ABTB2: variants seen among roughly 807,000 people sequenced by gnomAD.
ABTB2 encodes the protein ankyrin repeat and BTB domain containing 2, also known as ankyrin repeat and BTB/POZ domain-containing protein 2.
In ABTB2, 56 loss-of-function variants were observed where a neutral mutation model predicts 104.1. The ratio of observed to expected loss-of-function variants is 0.54; its 90% CI spans 0.43 to 0.67. The LOEUF is 0.67. Among genes scored for constraint, ABTB2 ranks in the 30% least tolerant of loss-of-function variants. ABTB2 has a pLI of 0.00. For missense variants in ABTB2, 1,279 were observed against 1,407.7 expected (o/e 0.91, Z 1.46); for synonymous variants, 606 against 608.2 (o/e 1.00, Z 0.05).
intron 1 of ABTB2, among the ~76,000 whole-genome samples, chr11:34,229,443 T>A (rs537769827): frequency 3.9e-4 from 57 of 147,802 alleles, no homozygotes; most frequent in Non-Finnish European, 7.1e-4. Flanking sequence ...ATCGCACCAC[T>A]GCACTCCAGC....
At chr11:34,189,980 C>T (rs1163326345) in intron 3 of ABTB2, among the ~76,000 whole-genome samples, 1 of 152,218 alleles carries the variant, frequency 6.6e-6, no homozygotes, top group Admixed American at 6.5e-5. Context: ...TGGCTCATGC[C>T]TGTAATCTCA....
chr11:34,341,163 A>G (rs940622656), intron 1 of ABTB2, among the ~76,000 whole-genome samples: 7 of 152,156 alleles, frequency 4.6e-5, no homozygotes, highest in Middle Eastern at 3.2e-3. Context: ...ACATTTTGTT[A>G]TTTTGTTTAA....
intron 16 of ABTB2, among the ~76,000 whole-genome samples, chr11:34,153,038 C>T (rs934681062): frequency 2.0e-5 from 3 of 152,160 alleles, no homozygotes; most frequent in African/African-American, 7.2e-5. Flanking sequence ...GAGAGACAGA[C>T]AGAATCTGAG....
chr11:34,170,388 C>G (rs1427043284), intron 5 of ABTB2, among the ~76,000 whole-genome samples: 1 of 152,204 alleles, frequency 6.6e-6, no homozygotes, highest in African/African-American at 2.4e-5. Context: ...CAAGTTAAAG[C>G]CTATCTAAAA....
Position 34,357,515 on chromosome 11 carries a change from G to A in ABTB2, c.69C>T (p.Ala23=), listed in dbSNP as rs1397415068. The change falls in exon 1 of 17, where the codon GCC becomes GCT. Residue 23 remains alanine, a synonymous_variant. Coordinates refer to ENST00000435224, the MANE Select transcript of ABTB2 (RefSeq NM_145804.3). Reference sequence around the variant, plus strand: ...GGCTGAGCGAGCGGCACGAGTCCCCGGCCCCATACCCGGAGTCCAAGGTCA... The same window carrying A: ...GGCTGAGCGAGCGGCACGAGTCCCCAGCCCCATACCCGGAGTCCAAGGTCA... The part of the protein sequence containing the change: ...EDLTLDSGYG[A]GDSCRSLSLS... 2 of 1,540,116 alleles carry A rather than the reference G, an allele frequency of 1.3e-6. No individual in the cohort carries two copies. The highest frequency in any genetic ancestry group is 2.0e-5 in the Admixed American group (1 of 50,988).
rs751166959 is a variant in ABTB2 at position 34,170,991 on chromosome 11, C to T, written c.1478G>A (p.Arg493His). The change falls in exon 5 of 17, where the codon CGC becomes CAC. Residue 493 changes from arginine to histidine, a missense_variant. Physicochemically the swap from Arg to His is conservative, Grantham distance 29 (BLOSUM62 0). Transcript: ENST00000435224. ...GTCCGTCCTCCCACAGTTGAGCATG[C>T]GGAAACCCAGGTCCTGGTTGAATTT... ...TEKFNQDLGF[R>H]MLNCGRTDLI... The T allele has an allele frequency of 5.0e-5, 81 of 1,614,038 alleles. 1 individual carries two copies. The highest frequency in any genetic ancestry group is 4.1e-4 in the South Asian group (37 of 91,090).
chr11:34,268,819 C>T (rs1238218667), intron 1 of ABTB2, among the ~76,000 whole-genome samples: 1 of 152,208 alleles, frequency 6.6e-6, no homozygotes, highest in African/African-American at 2.4e-5. Context: ...TCCCATGCAT[C>T]CTCCACGTGT....
At chr11:34,289,399 A>G (rs1403342000) in intron 1 of ABTB2, among the ~76,000 whole-genome samples, 1 of 152,214 alleles carries the variant, frequency 6.6e-6, no homozygotes, top group Non-Finnish European at 1.5e-5. Flanking sequence ...CTTACTATGC[A>G]CTGGGCACTG....
In ABTB2 at chr11:34,152,160, G is replaced by A. The variant is rs988172023; in HGVS notation, c.*227C>T. ...TTGAGTTGCAAACTGAGATGGGGAG[G>A]AGGGCCACCAGTTAGCTACATCTCC... On this transcript the variant is annotated 3_prime_UTR_variant, in exon 17 of 17. Transcript: ENST00000435224. 19 of 561,424 alleles carry A rather than the reference G, an allele frequency of 3.4e-5. No homozygotes were observed. Among genetic ancestry groups the A allele is most frequent in the African/African-American group, 3.2e-4 (17 of 52,900 alleles). The allele number at this position is 561,424 out of a possible 1,614,324, so 34.8% of individuals were successfully genotyped here.
rs745594170 is a variant in ABTB2, at chr11:34,168,371, G to A, written c.1564-379C>T. ...TTATCTCCCTCAAAGGGTTGTTGTA[G>A]AGTGTGGATTAATATGTATAAAGTG... On this transcript the variant is annotated intron_variant, in intron 5 of 16. Coordinates refer to ENST00000435224, the MANE Select transcript of ABTB2 (RefSeq NM_145804.3). Among the ~76,000 whole-genome samples, 66 of 152,226 alleles carry A rather than the reference G, an allele frequency of 4.3e-4. 1 individual carries two copies. Among genetic ancestry groups the A allele is most frequent in the Non-Finnish European group, 8.8e-4 (60 of 68,044 alleles).
At chr11:34,274,692 A>G (rs1157010407) in intron 1 of ABTB2, among the ~76,000 whole-genome samples, 1 of 152,000 alleles carries the variant, frequency 6.6e-6, no homozygotes, top group Non-Finnish European at 1.5e-5. Context: ...CCAAGAAGAT[A>G]TCATTGTGTC....
intron 1 of ABTB2, among the ~76,000 whole-genome samples, chr11:34,322,407 G>A (rs770213211): frequency 5.3e-5 from 8 of 151,900 alleles, no homozygotes; most frequent in Non-Finnish European, 1.2e-4. Flanking sequence ...GAAACCCCAC[G>A]TCTAATAAAA....
At chr11:34,251,819 G>C (rs1197331680) in intron 1 of ABTB2, among the ~76,000 whole-genome samples, 4 of 151,596 alleles carry the variant, frequency 2.6e-5, no homozygotes, top group African/African-American at 9.7e-5. Flanking sequence ...TATCTACAGA[G>C]ACATGAGGAG....
intron 14 of ABTB2, among the ~76,000 whole-genome samples, chr11:34,158,402 C>T (rs1373372973): frequency 6.6e-6 from 1 of 152,012 alleles, no homozygotes; most frequent in Non-Finnish European, 1.5e-5. Context: ...GACAGTGAGA[C>T]TCCGTGTCAA....
chr11:34,229,003 C>G (rs1853724005), intron 1 of ABTB2, among the ~76,000 whole-genome samples: 3 of 151,604 alleles, frequency 2.0e-5, no homozygotes, highest in Non-Finnish European at 4.4e-5. Context: ...CCTGTAATCC[C>G]AGCTACTCGG....
chr11:34,268,520 C>T (rs941434352), intron 1 of ABTB2, among the ~76,000 whole-genome samples: 2 of 152,188 alleles, frequency 1.3e-5, no homozygotes, highest in South Asian at 2.1e-4. Context: ...TGGAACTTGC[C>T]GTGCCTTTAC....
At chr11:34,201,161 T>G (rs1319636462) in intron 2 of ABTB2, among the ~76,000 whole-genome samples, 1 of 152,170 alleles carries the variant, frequency 6.6e-6, no homozygotes, top group Non-Finnish European at 1.5e-5. Context: ...AGTTTAAGCA[T>G]GGCAGGGACT....
Position 34,154,940 on chromosome 11 carries a change from C to T in ABTB2, c.2698-171G>A, listed in dbSNP as rs995999527. On this transcript the variant is annotated intron_variant, in intron 14 of 16. Coordinates refer to ENST00000435224, the MANE Select transcript of ABTB2 (RefSeq NM_145804.3). This position sits in a 1 kb window ranked among gnomAD's most constrained non-coding sequence, Gnocchi z 4.9. The stretch of plus-strand genomic sequence containing the variant: ...GCTCAGGCTGAGACTTGTGTTTTCC[C>T]GGGGAAGCCAACTCCAAGACCCTCT... 1.3e-5 allele frequency among the ~76,000 whole-genome samples: 2 copies of T among 152,194 alleles called. No homozygotes were observed. Among genetic ancestry groups the T allele is most frequent in the South Asian group, 2.1e-4 (1 of 4,830 alleles).
chr11:34,241,383 A>C (rs540483119), intron 1 of ABTB2, among the ~76,000 whole-genome samples: 1 of 152,258 alleles, frequency 6.6e-6, no homozygotes, highest in South Asian at 2.1e-4. Flanking sequence ...GGACAGTCCA[A>C]GGGTGCCCAC....
Sources: gnomAD v4.1 joint callset for allele counts (sites outside exome capture counted in the v4.1 genomes callset) on GRCh38, gnomAD v4.1.1 for gene constraint, Gnocchi (gnomAD v3.1) non-coding constraint, MANE v1.5 for transcripts, NCBI Gene and HGNC (gene_info 2026-07-23, HGNC 2026-07-21) for gene names.